The following GPATCH2 variants were observed in gnomAD, a reference collection of about 807,000 sequenced individuals.
GPATCH2 encodes G patch domain-containing protein 2.
GPATCH2 carries 51 observed loss-of-function variants against 58.0 expected under a neutral mutation model. The observed-to-expected ratio is 0.88, with a 90% CI of 0.70 to 1.11. GPATCH2 has a LOEUF of 1.11. Among genes scored for constraint, GPATCH2 ranks in the 50% most tolerant of loss-of-function variants. GPATCH2 has a pLI of 0.00. For synonymous variants in GPATCH2, 222 were observed against 218.5 expected, an observed-to-expected ratio of 1.02 and a Z score of -0.14; for missense variants, 625 against 652.2, an observed-to-expected ratio of 0.96 and a Z score of 0.45.
At chr1:217,602,476 G>C (rs1668153150) in intron 5 of GPATCH2, among the ~76,000 whole-genome samples, 1 of 152,140 alleles carries the variant, frequency 6.6e-6, no homozygotes, top group Admixed American at 6.5e-5. Context: ...TAAGTTACAT[G>C]AGAAAGGAGG....
intron 5 of GPATCH2, chr1:217,609,594 A>C (rs1314071517): frequency 1.2e-5 from 12 of 984,096 alleles, no homozygotes; most frequent in Non-Finnish European, 1.4e-5. Context: ...CAAAATACAA[A>C]CTCCAGCAAA....
At chr1:217,575,071 A>C (rs1666744107) in intron 5 of GPATCH2, among the ~76,000 whole-genome samples, 1 of 152,176 alleles carries the variant, frequency 6.6e-6, no homozygotes, top group African/African-American at 2.4e-5. Flanking sequence ...CATCATTTAT[A>C]GGTCAAAAAA....
chr1:217,577,432 G>A (rs1666857692), intron 5 of GPATCH2, among the ~76,000 whole-genome samples: 1 of 152,076 alleles, frequency 6.6e-6, no homozygotes, highest in Admixed American at 6.5e-5. Context: ...CTTAACCTAT[G>A]TCTTCATTTC....
chr1:217,533,056 G>GC (rs1664280856), intron 5 of GPATCH2, among the ~76,000 whole-genome samples: 1 of 151,164 alleles, frequency 6.6e-6, no homozygotes. Flanking sequence ...ATAGCACCAT[G>GC]CCCACCTGGC....
chr1:217,528,668 G>A (rs886334771), intron 5 of GPATCH2, among the ~76,000 whole-genome samples: 5 of 152,160 alleles, frequency 3.3e-5, no homozygotes, highest in African/African-American at 9.7e-5. Context: ...ATGTCTAGAA[G>A]AGGTGCCACA....
intron 5 of GPATCH2, among the ~76,000 whole-genome samples, chr1:217,587,273 C>G (rs1477316509): frequency 6.6e-6 from 1 of 152,104 alleles, no homozygotes; most frequent in Non-Finnish European, 1.5e-5. Context: ...TGCAAAAGTT[C>G]TACTTAAAAA....
At chr1:217,461,838 T>TCAGA (rs1341220655) in intron 8 of GPATCH2, among the ~76,000 whole-genome samples, 1 of 152,176 alleles carries the variant, frequency 6.6e-6, no homozygotes, top group Non-Finnish European at 1.5e-5. Context: ...AAGAATGCTT[T>TCAGA]CAGACCCTCC....
At position 217,561,058 on chromosome 1, in the gene GPATCH2, C is replaced by T. The variant is rs140990434; in HGVS notation, c.1099-46169G>A. 8.8e-3 allele frequency among the ~76,000 whole-genome samples: 1,345 copies of T among 152,172 alleles called. 23 individuals carry two copies. Among genetic ancestry groups the T allele is most frequent in the African/African-American group, 0.031 (1,266 of 41,508 alleles). ...AACAGTTTTGATAATGTGAGTAATT[C>T]CATTCACTTCTGGAAAACAAACAGA... On this transcript the variant is annotated intron_variant, in intron 5 of 9. Coordinates refer to ENST00000366935, the MANE Select transcript of GPATCH2 (RefSeq NM_018040.5).
intron 5 of GPATCH2, among the ~76,000 whole-genome samples, chr1:217,523,931 C>T (rs1345764087): frequency 3.8e-5 from 4 of 106,380 alleles, no homozygotes; most frequent in Admixed American, 2.8e-4. Flanking sequence ...CCGGACGGGG[C>T]AGTTGGCCGG....
At chr1:217,493,111 T>A (rs1398399107) in intron 7 of GPATCH2, among the ~76,000 whole-genome samples, 1 of 152,148 alleles carries the variant, frequency 6.6e-6, no homozygotes, top group Non-Finnish European at 1.5e-5. Flanking sequence ...ACCATCCCAG[T>A]TTAGACCACC....
chr1:217,587,479 C>T (rs11117890), intron 5 of GPATCH2, among the ~76,000 whole-genome samples: 38,150 of 151,992 alleles, frequency 0.25, 5,144 homozygotes, highest in East Asian at 0.49. Flanking sequence ...CAAAATTACA[C>T]AGGGCCTTGA....
intron 6 of GPATCH2, among the ~76,000 whole-genome samples, chr1:217,511,444 A>G (rs1354148798): frequency 6.6e-6 from 1 of 152,232 alleles, no homozygotes; most frequent in Non-Finnish European, 1.5e-5. Flanking sequence ...TGATTCTGCT[A>G]GAAATTATTT....
At chr1:217,471,066 T>C (rs978471855) in intron 8 of GPATCH2, among the ~76,000 whole-genome samples, 1 of 151,896 alleles carries the variant, frequency 6.6e-6, no homozygotes, top group African/African-American at 2.4e-5. Flanking sequence ...TTAAAGTTAG[T>C]TTAAAAGCAG....
At chr1:217,541,796 C>A (rs4846418) in intron 5 of GPATCH2, among the ~76,000 whole-genome samples, 88,150 of 152,044 alleles carry the variant, frequency 0.58, 26,599 homozygotes, top group East Asian at 0.93. Flanking sequence ...AATTCACTAC[C>A]TCACATAATA....
At chr1:217,587,493 C>G (rs1445779837) in intron 5 of GPATCH2, among the ~76,000 whole-genome samples, 1 of 152,094 alleles carries the variant, frequency 6.6e-6, no homozygotes, top group East Asian at 1.9e-4. Flanking sequence ...GCCTTGAAAC[C>G]AGCAGGCAAA....
Position 217,431,187 on chromosome 1 carries a change from A to G in GPATCH2, c.1545T>C (p.Ser515=). 1 of 1,603,354 alleles carries G rather than the reference A, an allele frequency of 6.2e-7. No individual in the cohort carries two copies. The highest frequency in any genetic ancestry group is 8.5e-7 in the Non-Finnish European group (1 of 1,170,170). ...GLGLGFPLPK[S]TSATTTPNAG... is the part of the protein sequence containing the mutation. Reference sequence around the variant, plus strand: ...CATTGGGGGTAGTAGTTGCGGAAGTACTTTTTGGTAGAGGAAATCCAAGTC... The same window carrying G: ...CATTGGGGGTAGTAGTTGCGGAAGTGCTTTTTGGTAGAGGAAATCCAAGTC... The change falls in exon 10 of 10, where the codon AGT becomes AGC. Residue 515 remains serine (S), a synonymous_variant. Transcript: ENST00000366935.
chr1:217,466,855 A>G (rs1284042256), intron 8 of GPATCH2, among the ~76,000 whole-genome samples: 1 of 150,734 alleles, frequency 6.6e-6, no homozygotes, highest in African/African-American at 2.4e-5. Flanking sequence ...GCTTCTCTTA[A>G]AAACAGGGAA....
rs368469617 is a variant in GPATCH2, at chr1:217,499,157, T to C, written c.1167-762A>G. On this transcript the variant is annotated intron_variant, in intron 6 of 9. Transcript: ENST00000366935. ...ACTGTAAACATCAAGGACTAGGAGATTGAGAGAGGTATTATGGCAAATCAA... is the reference window on the plus strand; with the variant it reads ...ACTGTAAACATCAAGGACTAGGAGACTGAGAGAGGTATTATGGCAAATCAA... Among the ~76,000 whole-genome samples, 239 of 152,198 alleles carry C rather than the reference T, an allele frequency of 1.6e-3. 2 individuals carry two copies. In the Middle Eastern group the frequency reaches 0.02, roughly 13 times the overall value.
intron 8 of GPATCH2, among the ~76,000 whole-genome samples, chr1:217,488,406 G>T (rs989680233): frequency 4.6e-5 from 7 of 152,000 alleles, no homozygotes; most frequent in Non-Finnish European, 8.8e-5. Context: ...ACATTTTGAG[G>T]TTATTTGAGT....
Sources: gnomAD v4.1 joint callset for allele counts (sites outside exome capture counted in the v4.1 genomes callset) on GRCh38, gnomAD v4.1.1 for gene constraint, MANE v1.5 for transcripts, NCBI Gene and HGNC (gene_info 2026-07-23, HGNC 2026-07-21) for gene names.